Variants in CTNNA2 observed in about 807,000 individuals in gnomAD.
The protein encoded by CTNNA2 is catenin alpha 2, also known as catenin alpha-2.
Under a neutral mutation model 101.0 loss-of-function variants are expected in CTNNA2, and 42 were observed. The observed-to-expected ratio is 0.42, with a 90% CI of 0.32 to 0.54. The LOEUF (loss-of-function observed/expected upper bound fraction) is 0.54, where lower values mean the gene tolerates loss of function less well. Among genes scored for constraint, CTNNA2 ranks in the 20% least tolerant of loss-of-function variants. The pLI, the probability that CTNNA2 is intolerant of heterozygous loss-of-function variation, is 0.14. For synonymous variants in CTNNA2, 450 were observed against 456.4 expected, an observed-to-expected ratio of 0.99 and a Z score of 0.18; for missense variants, 871 against 1,223.1, an observed-to-expected ratio of 0.71 and a Z score of 4.29.
intron 7 of CTNNA2, among the ~76,000 whole-genome samples, chr2:80,354,590 G>A (rs1673607810): frequency 6.6e-6 from 1 of 152,096 alleles, no homozygotes; most frequent in African/African-American, 2.4e-5. Flanking sequence ...AAGGAGTTTC[G>A]GGGGAGTTTT....
chr2:79,844,697 A>T (rs1486757733), intron 3 of CTNNA2, among the ~76,000 whole-genome samples: 1 of 152,122 alleles, frequency 6.6e-6, no homozygotes, highest in Non-Finnish European at 1.5e-5. Flanking sequence ...CCCGCTTTTC[A>T]TTTAGGTCTT....
At chr2:79,809,319 G>A (rs561105504) in intron 3 of CTNNA2, among the ~76,000 whole-genome samples, 14 of 152,178 alleles carry the variant, frequency 9.2e-5, no homozygotes, top group South Asian at 6.2e-4. Context: ...ATGGGATTGC[G>A]GGGTCAAATG....
chr2:80,474,431 A>G (rs1685555676), intron 9 of CTNNA2, among the ~76,000 whole-genome samples: 1 of 152,102 alleles, frequency 6.6e-6, no homozygotes, highest in African/African-American at 2.4e-5. Flanking sequence ...CACCCCCACC[A>G]TATCCCATCT....
chr2:79,947,779 C>T (rs1329323792), intron 7 of CTNNA2, among the ~76,000 whole-genome samples: 2 of 152,108 alleles, frequency 1.3e-5, no homozygotes, highest in East Asian at 1.9e-4. Context: ...GATGAGTGCA[C>T]ATAGGCCATG....
At chr2:80,233,334 C>T (rs1450243200) in intron 7 of CTNNA2, among the ~76,000 whole-genome samples, 1 of 151,908 alleles carries the variant, frequency 6.6e-6, no homozygotes, top group Admixed American at 6.6e-5. Flanking sequence ...AGCAGATGCC[C>T]CCTGGAAGTG....
intron 3 of CTNNA2, among the ~76,000 whole-genome samples, chr2:79,332,761 T>C (rs1676904803): frequency 6.6e-6 from 1 of 152,156 alleles, no homozygotes; most frequent in Non-Finnish European, 1.5e-5. Flanking sequence ...CCACACCCTG[T>C]CCATTTCCAA....
intron 2 of CTNNA2, among the ~76,000 whole-genome samples, chr2:79,243,207 T>C (rs1029019183): frequency 1.3e-5 from 2 of 151,842 alleles, no homozygotes; most frequent in Non-Finnish European, 2.9e-5. Flanking sequence ...AAGCTGACTG[T>C]AGGTGGGCTA....
At chr2:79,269,550 C>T (rs1018671761) in intron 2 of CTNNA2, among the ~76,000 whole-genome samples, 2 of 152,100 alleles carry the variant, frequency 1.3e-5, no homozygotes, top group Admixed American at 6.6e-5. Flanking sequence ...AAAACAAGTT[C>T]CTCAGGTTAT....
intron 4 of CTNNA2, among the ~76,000 whole-genome samples, chr2:79,396,002 C>T (rs944124219): frequency 3.9e-5 from 6 of 152,092 alleles, no homozygotes; most frequent in African/African-American, 1.4e-4. Flanking sequence ...TTCACATTTA[C>T]GGTCTGACAC....
Position 80,538,540 on chromosome 2 carries a change from T to A in CTNNA2, c.1291-6442T>A, listed in dbSNP as rs558393033. 3.9e-5 allele frequency among the ~76,000 whole-genome samples: 6 copies of A among 152,282 alleles called. No homozygotes were observed. The East Asian group carries it at 1.2e-3, about 30-fold the overall frequency. ...GTCAAAGATCAGATGGTTATAGGCA[T>A]GTGGTGTTATTTCTGAGGTCTCTGT... is the stretch of plus-strand genomic sequence containing the variant. On this transcript the variant is annotated intron_variant, in intron 9 of 18. Transcript: ENST00000402739.
intron 2 of CTNNA2, among the ~76,000 whole-genome samples, chr2:79,670,026 G>A: frequency 6.6e-6 from 1 of 152,162 alleles, no homozygotes; most frequent in Non-Finnish European, 1.5e-5. Context: ...CAGGCTGTGG[G>A]AGCAGACAAC....
intron 3 of CTNNA2, among the ~76,000 whole-genome samples, chr2:79,321,933 A>G (rs961412335): frequency 1.2e-4 from 19 of 152,334 alleles, no homozygotes; most frequent in African/African-American, 4.1e-4. Context: ...AAACAGACAT[A>G]GAAATCATCC....
chr2:80,386,128 A>T (rs1676972690), intron 7 of CTNNA2, among the ~76,000 whole-genome samples: 1 of 152,150 alleles, frequency 6.6e-6, no homozygotes, highest in Admixed American at 6.5e-5. Context: ...TTCTTACATT[A>T]TATATTGAGG....
intron 3 of CTNNA2, among the ~76,000 whole-genome samples, chr2:79,765,430 T>A (rs551413313): frequency 6.6e-6 from 1 of 152,266 alleles, no homozygotes; most frequent in East Asian, 1.9e-4. Flanking sequence ...GTTCCTTTAC[T>A]GAAGTGGTTT....
At chr2:79,244,891 T>G (rs1468992470) in intron 2 of CTNNA2, among the ~76,000 whole-genome samples, 1 of 151,900 alleles carries the variant, frequency 6.6e-6, no homozygotes, top group East Asian at 1.9e-4. Context: ...GGCCAAGAGT[T>G]TGAGACCAGC....
chr2:79,475,854 T>A (rs1671044900), intron 4 of CTNNA2, among the ~76,000 whole-genome samples: 1 of 152,146 alleles, frequency 6.6e-6, no homozygotes, highest in Non-Finnish European at 1.5e-5. Flanking sequence ...TCTATAAGGA[T>A]GCTGAAGTAC....
At chr2:80,005,126 A>C (rs1693241453) in intron 7 of CTNNA2, among the ~76,000 whole-genome samples, 1 of 152,184 alleles carries the variant, frequency 6.6e-6, no homozygotes, top group African/African-American at 2.4e-5. Flanking sequence ...AACACAGGAA[A>C]GACTGAGAAG....
chr2:80,328,887 C>T (rs200094462), intron 7 of CTNNA2, among the ~76,000 whole-genome samples: 10 of 152,138 alleles, frequency 6.6e-5, no homozygotes, highest in Admixed American at 2.0e-4. Context: ...AAGTCATTTT[C>T]GCTACTTGAT....
In CTNNA2 at chr2:79,750,625, G is replaced by A. The variant is rs541972357; in HGVS notation, c.298+6043G>A. 9.2e-5 allele frequency among the ~76,000 whole-genome samples: 14 copies of A among 152,324 alleles called. No individual in the cohort carries two copies. In the East Asian group the frequency reaches 2.3e-3, roughly 25 times the overall value. ...CGCCTATAATCCCAGCACTTTGGGAGGCCAAGGCGGGCAGATCACGAGGTT... is the reference window on the plus strand; with the variant it reads ...CGCCTATAATCCCAGCACTTTGGGAAGCCAAGGCGGGCAGATCACGAGGTT... On this transcript the variant is annotated intron_variant, in intron 3 of 18. Transcript: ENST00000402739.
Sources: gnomAD v4.1 joint callset for allele counts (sites outside exome capture counted in the v4.1 genomes callset) on GRCh38, gnomAD v4.1.1 for gene constraint, MANE v1.5 for transcripts, NCBI Gene and HGNC (gene_info 2026-07-23, HGNC 2026-07-21) for gene names.